Variants in INPP5A observed in about 807,000 individuals in gnomAD.
The protein encoded by INPP5A is inositol polyphosphate-5-phosphatase A, also known as 43 kDa inositol polyphosphate 5-phophatase.
A neutral mutation model predicts 65.2 loss-of-function variants in INPP5A; 14 were observed. That is an observed-to-expected ratio of 0.21 (90% CI 0.14 to 0.34). INPP5A has a LOEUF of 0.34. INPP5A is among the 10% of genes least tolerant of loss of function. The pLI is 1.00. For missense variants in INPP5A, 431 were observed against 545.6 expected, an observed-to-expected ratio of 0.79 and a Z score of 2.09; for synonymous variants, 207 against 208.3, an observed-to-expected ratio of 0.99 and a Z score of 0.05.
Position 132,753,294 on chromosome 10 carries a change from T to G in INPP5A, c.903+3449T>G, listed in dbSNP as rs1846530880. 6.6e-6 allele frequency among the ~76,000 whole-genome samples: 1 copy of G among 152,120 alleles called. No individual in the cohort carries two copies. Among genetic ancestry groups the G allele is most frequent in the Admixed American group, 6.5e-5 (1 of 15,280 alleles). Reference sequence around the variant, plus strand: ...AGATAATCCCATCTCCACGGTCCGGTTAAACACACAGCACCGCAGCCATGG... The same window carrying G: ...AGATAATCCCATCTCCACGGTCCGGGTAAACACACAGCACCGCAGCCATGG... On this transcript the variant is annotated intron_variant, in intron 11 of 15. Coordinates refer to ENST00000368594, the MANE Select transcript of INPP5A (RefSeq NM_005539.5). This position sits in a 1 kb window ranked among gnomAD's most constrained non-coding sequence, Gnocchi z 5.3.
In INPP5A at chr10:132,762,032, C is replaced by T. The variant is rs974795299; in HGVS notation, c.904-3741C>T. Among the ~76,000 whole-genome samples the T allele has an allele frequency of 9.9e-5, 15 of 152,078 alleles. No homozygotes were observed. Among genetic ancestry groups the T allele is most frequent in the Non-Finnish European group, 1.5e-4 (10 of 68,010 alleles). On this transcript the variant is annotated intron_variant, in intron 11 of 15. Transcript: ENST00000368594. The surrounding 1 kb of genome is among the most constrained non-coding windows in gnomAD (Gnocchi z 4.6). Reference sequence around the variant, plus strand: ...AAAGCTCCAGGGATGAATTAAGTGCCGGAGTAGACACAGCTGGAGAAGGGA... The same window carrying T: ...AAAGCTCCAGGGATGAATTAAGTGCTGGAGTAGACACAGCTGGAGAAGGGA...
At chr10:132,612,680 G>T (rs749000648) in intron 2 of INPP5A, among the ~76,000 whole-genome samples, 2 of 152,196 alleles carry the variant, frequency 1.3e-5, no homozygotes, top group Admixed American at 6.5e-5. Flanking sequence ...TTGCCTGGCC[G>T]TGTGCGTGGC....
intron 1 of INPP5A, among the ~76,000 whole-genome samples, chr10:132,601,578 G>A (rs1486117042): frequency 6.6e-6 from 1 of 152,196 alleles, no homozygotes; most frequent in African/African-American, 2.4e-5. Context: ...GTCAAATCCA[G>A]TGTCACAAAG....
chr10:132,774,613 A>G (rs1460335485), intron 12 of INPP5A, among the ~76,000 whole-genome samples: 1 of 152,052 alleles, frequency 6.6e-6, no homozygotes, highest in African/African-American at 2.4e-5. Flanking sequence ...CCCTGCCCCA[A>G]GACCTCGACA....
chr10:132,613,269 C>T (rs2071984114), intron 2 of INPP5A, among the ~76,000 whole-genome samples: 1 of 144,518 alleles, frequency 6.9e-6, no homozygotes, highest in South Asian at 2.3e-4. Flanking sequence ...CCCTCCTTCC[C>T]GAGTCCCCCC....
chr10:132,576,537 G>A (rs1176086119), intron 1 of INPP5A, among the ~76,000 whole-genome samples: 1 of 152,162 alleles, frequency 6.6e-6, no homozygotes, highest in Non-Finnish European at 1.5e-5. Context: ...CCTGTCCCCA[G>A]TGTGCGTCCC....
At chr10:132,552,729 A>G (rs1262593102) in intron 1 of INPP5A, among the ~76,000 whole-genome samples, 26 of 107,582 alleles carry the variant, frequency 2.4e-4, no homozygotes, top group Admixed American at 3.6e-4. Flanking sequence ...CATATTGGGT[A>G]GGATAGGGAG....
chr10:132,752,352 C>T (rs1846501336), intron 11 of INPP5A, among the ~76,000 whole-genome samples: 1 of 151,370 alleles, frequency 6.6e-6, no homozygotes, highest in African/African-American at 2.4e-5. Flanking sequence ...AGGGAGGCTC[C>T]CTCAGCCACA....
intron 2 of INPP5A, 84 bp from the exon 3 acceptor site, chr10:132,645,784 T>G (rs2072485225): frequency 1.9e-6 from 2 of 1,046,642 alleles, no homozygotes; most frequent in Non-Finnish European, 2.9e-6. Context: ...GCTCCCAGGC[T>G]GTGGGGGCGG....
Position 132,782,201 on chromosome 10 carries a change from A to G in INPP5A, c.*172A>G, listed in dbSNP as rs1236256629. On this transcript the variant is annotated 3_prime_UTR_variant, in exon 16 of 16. Coordinates refer to ENST00000368594, the MANE Select transcript of INPP5A (RefSeq NM_005539.5). This position sits in a 1 kb window ranked among gnomAD's most constrained non-coding sequence, Gnocchi z 4.4. ...CTCCGGACCATTCCGGAGCAGCCTC[A>G]CATACCTCACTGTCTCGTCTGTCTA... The G allele has an allele frequency of 1.1e-6, 1 of 917,260 alleles. No individual in the cohort carries two copies. The highest frequency in any genetic ancestry group is 1.7e-6 in the Non-Finnish European group (1 of 598,432). The allele number at this position is 917,260 out of a possible 1,614,324, so 56.8% of individuals were successfully genotyped here. A position where few individuals can be genotyped will look rare whatever the true frequency, so the allele number is the denominator to read the frequency against.
intron 4 of INPP5A, among the ~76,000 whole-genome samples, chr10:132,656,781 C>T (rs780283309): frequency 3.9e-5 from 6 of 152,160 alleles, no homozygotes; most frequent in Non-Finnish European, 7.4e-5. Context: ...GGGCCCAGGG[C>T]GGTGCAGACC....
rs1230872351 is a variant in INPP5A, at chr10:132,741,741, A to AGCCG, written c.733-7776_733-7775insGCCG. Among the ~76,000 whole-genome samples, 74 of 58,304 alleles carry AGCCG rather than the reference A, an allele frequency of 1.3e-3. No homozygotes were observed. The highest frequency in any genetic ancestry group is 2.9e-3 in the African/African-American group (66 of 22,836). 38.2% of individuals were successfully genotyped at this position (58,304 alleles called of 152,430 possible). ...GTATCTGTGTCCGCTTGCTTTACTC[A>AGCCG]ATAGCCGACGTAAACTGAGGTGGAC... On this transcript the variant is annotated intron_variant, in intron 9 of 15. Coordinates refer to ENST00000368594, the MANE Select transcript of INPP5A (RefSeq NM_005539.5). This position sits in a 1 kb window ranked among gnomAD's most constrained non-coding sequence, Gnocchi z 4.4.
rs1377713058 is a variant in INPP5A at position 132,704,196 on chromosome 10, T to C, written c.475-4117T>C. On this transcript the variant is annotated intron_variant, in intron 6 of 15. Transcript: ENST00000368594. This position sits in a 1 kb window ranked among gnomAD's most constrained non-coding sequence, Gnocchi z 4.5. ...CTGGTGCTCTAGGGGAGTCGTGTAT[T>C]GAGGCGCCTTGGCCTGCAGGGACGG... is the stretch of plus-strand genomic sequence containing the variant. Among the ~76,000 whole-genome samples the C allele has an allele frequency of 1.3e-5, 2 of 151,904 alleles. No homozygotes were observed. Among genetic ancestry groups the C allele is most frequent in the Non-Finnish European group, 2.9e-5 (2 of 68,000 alleles).
At chr10:132,767,173 G>A (rs1157462526) in intron 12 of INPP5A, among the ~76,000 whole-genome samples, 2 of 116,492 alleles carry the variant, frequency 1.7e-5, no homozygotes, top group South Asian at 3.5e-4. Flanking sequence ...CGGAGGATGC[G>A]GCTTCAGGGA....
At chr10:132,610,835 G>A (rs967267097) in intron 2 of INPP5A, among the ~76,000 whole-genome samples, 1 of 152,254 alleles carries the variant, frequency 6.6e-6, no homozygotes, top group Non-Finnish European at 1.5e-5. Flanking sequence ...CAGGGTTTAT[G>A]GTTGGGTTTG....
intron 2 of INPP5A, among the ~76,000 whole-genome samples, chr10:132,624,600 G>T (rs1199386102): frequency 6.6e-6 from 1 of 152,184 alleles, no homozygotes; most frequent in East Asian, 1.9e-4. Flanking sequence ...CTTCTGTGCG[G>T]TTCCTCCCAT....
At chr10:132,714,246 C>A (rs1265655486) in intron 8 of INPP5A, among the ~76,000 whole-genome samples, 1 of 152,164 alleles carries the variant, frequency 6.6e-6, no homozygotes, top group Non-Finnish European at 1.5e-5. Flanking sequence ...CTGCGGCGCG[C>A]TCAGCCAGCC....
intron 4 of INPP5A, among the ~76,000 whole-genome samples, chr10:132,667,840 G>A (rs940540758): frequency 1.2e-4 from 18 of 152,150 alleles, no homozygotes; most frequent in Non-Finnish European, 2.1e-4. Flanking sequence ...GGCGGCATGC[G>A]GGGACATGAA....
At chr10:132,630,593 A>AAGACGTCCATGAGGGGC (rs2072253546) in intron 2 of INPP5A, among the ~76,000 whole-genome samples, 2 of 150,488 alleles carry the variant, frequency 1.3e-5, no homozygotes, top group Non-Finnish European at 1.5e-5. Flanking sequence ...CCATGAGGGG[A>AAGACGTCCATGAGGGGC]AGACGTCCAT....
Sources: gnomAD v4.1 joint callset for allele counts (sites outside exome capture counted in the v4.1 genomes callset) on GRCh38, gnomAD v4.1.1 for gene constraint, Gnocchi (gnomAD v3.1) non-coding constraint, MANE v1.5 for transcripts, NCBI Gene and HGNC (gene_info 2026-07-23, HGNC 2026-07-21) for gene names.